Variants in RIT2 observed in about 807,000 individuals in gnomAD.
RIT2 encodes the protein GTP-binding protein Rit2.
A neutral mutation model predicts 23.7 loss-of-function variants in RIT2; 24 were observed. The observed-to-expected ratio is 1.01, with a 90% CI of 0.73 to 1.43. The LOEUF (loss-of-function observed/expected upper bound fraction) is 1.43. Among genes scored for constraint, RIT2 ranks in the 40% most tolerant of loss-of-function variants. The pLI, the probability that RIT2 is intolerant of heterozygous loss-of-function variation, is 0.00. For synonymous variants in RIT2, 107 were observed against 91.1 expected (o/e 1.17, Z -0.99); for missense variants, 236 against 266.9 (o/e 0.88, Z 0.81).
rs138318037 is a variant in RIT2 at position 42,815,781 on chromosome 18, G to A, written c.427-72061C>T. On this transcript the variant is annotated intron_variant, in intron 4 of 4. Coordinates refer to ENST00000326695, the MANE Select transcript of RIT2 (RefSeq NM_002930.4). ...TAGAAAGTTCTCCAGGGTATCCGAG[G>A]CAATCAGAACAATACAAATCACTCA... Among the ~76,000 whole-genome samples the A allele has an allele frequency of 2.4e-4, 36 of 152,228 alleles. No individual in the cohort carries two copies. The East Asian group carries it at 6.0e-3, about 25-fold the overall frequency.
intron 4 of RIT2, among the ~76,000 whole-genome samples, chr18:42,849,338 T>A (rs1568012000): frequency 6.6e-6 from 1 of 152,220 alleles, no homozygotes; most frequent in Non-Finnish European, 1.5e-5. Context: ...ACTTTTTGAT[T>A]TAGTGTCTGT....
intron 4 of RIT2, among the ~76,000 whole-genome samples, chr18:42,860,234 T>G (rs1907291143): frequency 6.6e-6 from 1 of 152,148 alleles, no homozygotes; most frequent in Admixed American, 6.5e-5. Flanking sequence ...CCTGTCTCCC[T>G]CTCTGGTGGC....
At chr18:42,971,944 C>T (rs573599491) in intron 3 of RIT2, among the ~76,000 whole-genome samples, 1 of 152,070 alleles carries the variant, frequency 6.6e-6, no homozygotes, top group South Asian at 2.1e-4. Flanking sequence ...ATATTGGCAC[C>T]ACACTGGGGA....
At chr18:43,040,670 C>T (rs75584079) in intron 1 of RIT2, among the ~76,000 whole-genome samples, 3,209 of 152,192 alleles carry the variant, frequency 0.021, 52 homozygotes, top group Non-Finnish European at 0.035. Context: ...CTTGGCTCCT[C>T]CTAACTACTA....
chr18:42,790,500 T>G lies in RIT2; in HGVS notation c.427-46780A>C, dbSNP rs547423347. ...CTCTGTCGCCTAGGCCGGAATGCAGTGGCGCCATCTCGGCTCACTGCAAGC... is the reference window on the plus strand; with the variant it reads ...CTCTGTCGCCTAGGCCGGAATGCAGGGGCGCCATCTCGGCTCACTGCAAGC... On this transcript the variant is annotated intron_variant, in intron 4 of 4. Transcript: ENST00000326695. 1.6e-3 allele frequency among the ~76,000 whole-genome samples: 249 copies of G among 152,360 alleles called. 2 individuals carry two copies. The highest frequency in any genetic ancestry group is 5.7e-3 in the African/African-American group (237 of 41,590).
chr18:42,793,627 C>A (rs1219629457), intron 4 of RIT2, among the ~76,000 whole-genome samples: 2 of 152,004 alleles, frequency 1.3e-5, no homozygotes, highest in South Asian at 2.1e-4. Flanking sequence ...AACAAACAAA[C>A]AAAGAGGCCT....
At chr18:43,055,944 A>G (rs2144315590) in intron 1 of RIT2, among the ~76,000 whole-genome samples, 1 of 152,208 alleles carries the variant, frequency 6.6e-6, no homozygotes, top group Non-Finnish European at 1.5e-5. Context: ...AGCAATAGCA[A>G]CCTAAAAATT....
intron 4 of RIT2, among the ~76,000 whole-genome samples, chr18:42,863,213 C>T (rs1411816993): frequency 6.6e-6 from 1 of 152,030 alleles, no homozygotes; most frequent in Non-Finnish European, 1.5e-5. Flanking sequence ...ATAAATTATC[C>T]ATCCTTACTG....
intron 4 of RIT2, among the ~76,000 whole-genome samples, chr18:42,747,506 A>C (rs1912945999): frequency 6.6e-6 from 1 of 152,010 alleles, no homozygotes; most frequent in Non-Finnish European, 1.5e-5. Flanking sequence ...ATTTCCATCA[A>C]AACACCACCG....
intron 1 of RIT2, among the ~76,000 whole-genome samples, chr18:43,099,186 C>T (rs1290470662): frequency 1.3e-5 from 2 of 152,002 alleles, no homozygotes; most frequent in African/African-American, 4.8e-5. Flanking sequence ...AAGGTGTGGG[C>T]TCAGGCTAGT....
intron 2 of RIT2, among the ~76,000 whole-genome samples, chr18:42,984,587 T>A (rs1219557692): frequency 6.6e-6 from 1 of 152,104 alleles, no homozygotes; most frequent in Admixed American, 6.5e-5. Flanking sequence ...TTTCTGTTTT[T>A]TATTTATTTC....
At chr18:42,760,754 T>G (rs1403121910) in intron 4 of RIT2, among the ~76,000 whole-genome samples, 3 of 152,238 alleles carry the variant, frequency 2.0e-5, no homozygotes, top group African/African-American at 7.2e-5. Flanking sequence ...GAAGGCCATT[T>G]GCTTCTTATG....
intron 4 of RIT2, among the ~76,000 whole-genome samples, chr18:42,867,506 C>T (rs190289220): frequency 6.6e-6 from 1 of 152,042 alleles, no homozygotes; most frequent in African/African-American, 2.4e-5. Flanking sequence ...GAAAAAAATG[C>T]TATTGGAAGG....
intron 2 of RIT2, among the ~76,000 whole-genome samples, chr18:42,998,550 A>AT (rs912741859): frequency 3.0e-4 from 46 of 151,832 alleles, no homozygotes; most frequent in Middle Eastern, 3.4e-3. Context: ...TAGGTTTTGG[A>AT]TTTTTTTTTA....
intron 4 of RIT2, among the ~76,000 whole-genome samples, chr18:42,831,213 G>A (rs1906447958): frequency 6.6e-6 from 1 of 152,142 alleles, no homozygotes; most frequent in Admixed American, 6.6e-5. Flanking sequence ...TGAAAGGCAG[G>A]AATAGTTTCT....
chr18:43,035,417 C>A (rs983594234), intron 1 of RIT2, among the ~76,000 whole-genome samples: 1 of 152,092 alleles, frequency 6.6e-6, no homozygotes, highest in South Asian at 2.1e-4. Flanking sequence ...TTGGAAAATG[C>A]TTTTCCTGAG....
At chr18:42,779,620 G>A (rs536369055) in intron 4 of RIT2, among the ~76,000 whole-genome samples, 7 of 152,276 alleles carry the variant, frequency 4.6e-5, no homozygotes, top group African/African-American at 1.7e-4. Context: ...CAGGAACTGT[G>A]AAATATGTGA....
intron 4 of RIT2, among the ~76,000 whole-genome samples, chr18:42,758,913 C>T (rs989857272): frequency 6.6e-6 from 1 of 152,072 alleles, no homozygotes; most frequent in African/African-American, 2.4e-5. Flanking sequence ...GTCCTTGATT[C>T]TGACCAGGAC....
At chr18:42,989,669 A>G (rs1196848211) in intron 2 of RIT2, among the ~76,000 whole-genome samples, 1 of 152,198 alleles carries the variant, frequency 6.6e-6, no homozygotes, top group African/African-American at 2.4e-5. Flanking sequence ...GCTCATGGTT[A>G]CTGTGTTGGC....
Sources: gnomAD v4.1 joint callset for allele counts (sites outside exome capture counted in the v4.1 genomes callset) on GRCh38, gnomAD v4.1.1 for gene constraint, MANE v1.5 for transcripts, NCBI Gene and HGNC (gene_info 2026-07-23, HGNC 2026-07-21) for gene names.